SLC38A12: variants seen among roughly 807,000 people sequenced by gnomAD.
SLC38A12 encodes solute carrier family 38 member 12, also known as putative sodium-coupled neutral amino acid transporter 12.
chr17:74,834,231 T>A, the SLC38A12 span, among the ~76,000 whole-genome samples: 1 of 152,058 alleles, frequency 6.6e-6, no homozygotes, highest in Admixed American at 6.5e-5. Flanking sequence ...GGCAGCTCCC[T>A]GGGCTGAGAC....
At chr17:74,795,412 GAA>G in the SLC38A12 span, 1 of 925,380 alleles carries the variant, frequency 1.1e-6, no homozygotes, top group East Asian at 2.6e-5. Flanking sequence ...AGTGGTTTGT[GAA>G]AAGTCTGATT....
At chr17:74,809,634 AG>A in the SLC38A12 span, among the ~76,000 whole-genome samples, 2 of 152,250 alleles carry the variant, frequency 1.3e-5, no homozygotes, top group African/African-American at 4.8e-5. Context: ...TCCCAGCCAC[AG>A]GCTAACATCG....
the SLC38A12 span, among the ~76,000 whole-genome samples, chr17:74,810,518 C>G: frequency 6.6e-6 from 1 of 152,214 alleles, no homozygotes; most frequent in South Asian, 2.1e-4. Context: ...CAGCCTCCGC[C>G]TGTCCTCATC....
chr17:74,790,795 CTG>C, the SLC38A12 span, among the ~76,000 whole-genome samples: 68 of 149,700 alleles, frequency 4.5e-4, no homozygotes, highest in African/African-American at 1.6e-3. Flanking sequence ...AAAAAAAAGA[CTG>C]TGTTAAACCA....
the SLC38A12 span, among the ~76,000 whole-genome samples, chr17:74,817,956 A>G: frequency 4.6e-5 from 7 of 152,224 alleles, no homozygotes; most frequent in Non-Finnish European, 1.0e-4. Context: ...AGTTTCCAGC[A>G]GACCACAGTT....
chr17:74,816,038 A>G, the SLC38A12 span, among the ~76,000 whole-genome samples: 1 of 152,150 alleles, frequency 6.6e-6, no homozygotes, highest in South Asian at 2.1e-4. Context: ...TGAAGAGTAG[A>G]TTTCCTTCCT....
At chr17:74,788,916 G>A in the SLC38A12 span, 2 of 1,574,514 alleles carry the variant, frequency 1.3e-6, no homozygotes, top group Non-Finnish European at 1.7e-6. Context: ...TGTTCCGTCA[G>A]GTACCCAGCA....
the SLC38A12 span, among the ~76,000 whole-genome samples, chr17:74,828,434 G>A: frequency 3.0e-4 from 45 of 152,334 alleles, no homozygotes; most frequent in African/African-American, 9.4e-4. Flanking sequence ...GGAGGAGTGT[G>A]CCGCGTGCGG....
At chr17:74,819,755 C>G in the SLC38A12 span, 1 of 1,614,192 alleles carries the variant, frequency 6.2e-7, no homozygotes, top group Non-Finnish European at 8.5e-7. Flanking sequence ...CCCAGGCGAT[C>G]TTCACTCTCC....
chr17:74,832,359 C>A, the SLC38A12 span, among the ~76,000 whole-genome samples: 1 of 152,228 alleles, frequency 6.6e-6, no homozygotes, highest in East Asian at 1.9e-4. Context: ...CCAGCACCCG[C>A]CTTCATATCC....
chr17:74,806,544 G>A, the SLC38A12 span, among the ~76,000 whole-genome samples: 2 of 152,160 alleles, frequency 1.3e-5, no homozygotes, highest in African/African-American at 2.4e-5. Context: ...TAACTCGGCC[G>A]AGGAGAGCCG....
At chr17:74,806,539 C>T in the SLC38A12 span, among the ~76,000 whole-genome samples, 5 of 152,162 alleles carry the variant, frequency 3.3e-5, no homozygotes, top group East Asian at 3.9e-4. Flanking sequence ...TCTGTTAACT[C>T]GGCCGAGGAG....
chr17:74,808,954 C>T, the SLC38A12 span, among the ~76,000 whole-genome samples: 3 of 152,170 alleles, frequency 2.0e-5, no homozygotes, highest in African/African-American at 7.2e-5. Flanking sequence ...CCAGGTGGCA[C>T]CTTCCCCCAC....
chr17:74,817,418 C>T, the SLC38A12 span, among the ~76,000 whole-genome samples: 1 of 152,186 alleles, frequency 6.6e-6, no homozygotes, highest in East Asian at 1.9e-4. Context: ...CCTTCATTGC[C>T]AGTTCCCATG....
chr17:74,839,079 A>G, the SLC38A12 span: 1 of 1,535,260 alleles, frequency 6.5e-7, no homozygotes, highest in Non-Finnish European at 8.7e-7. Context: ...CTCCCTCCCC[A>G]CAGAAGCACC....
the SLC38A12 span, among the ~76,000 whole-genome samples, chr17:74,813,927 G>C: frequency 6.6e-6 from 1 of 152,192 alleles, no homozygotes; most frequent in Non-Finnish European, 1.5e-5. Context: ...GGAAGCTGCA[G>C]TCCGCTCCGT....
the SLC38A12 span, among the ~76,000 whole-genome samples, chr17:74,799,535 CAGAG>C: frequency 1.3e-5 from 2 of 152,302 alleles, no homozygotes; most frequent in Admixed American, 6.5e-5. Flanking sequence ...CCCCTTGTGA[CAGAG>C]AGAGTCTTCC....
chr17:74,794,962 A>C, the SLC38A12 span: 2 of 1,475,560 alleles, frequency 1.4e-6, no homozygotes, highest in East Asian at 2.3e-5. Flanking sequence ...AAAAAAAAAC[A>C]TGCAGACATC....
At chr17:74,836,597 C>T in the SLC38A12 span, 9 of 1,613,314 alleles carry the variant, frequency 5.6e-6, no homozygotes, top group Non-Finnish European at 6.8e-6. This position sits in a 1 kb window ranked among gnomAD's most constrained non-coding sequence, Gnocchi z 4.2. Context: ...CTTTCCGCCA[C>T]ACCTTCTGGG....
Sources: gnomAD v4.1 joint callset for allele counts (sites outside exome capture counted in the v4.1 genomes callset) on GRCh38, gnomAD v4.1.1 for gene constraint, Gnocchi (gnomAD v3.1) non-coding constraint, MANE v1.5 for transcripts, NCBI Gene and HGNC (gene_info 2026-07-23, HGNC 2026-07-21) for gene names.